The following SHISA9 variants were observed in gnomAD, a reference collection of about 807,000 sequenced individuals.
SHISA9 encodes the protein shisa family member 9.
SHISA9 carries 13 observed loss-of-function variants against 38.0 expected under a neutral mutation model. The ratio of observed to expected loss-of-function variants is 0.34; its 90% CI spans 0.22 to 0.54. SHISA9 has a LOEUF of 0.54. SHISA9 is among the 20% of genes least tolerant of loss of function. The probability of loss-of-function intolerance (pLI) is 0.91; values close to 1 mark genes in which losing one functional copy is unlikely to be tolerated. For synonymous variants in SHISA9, 275 were observed against 242.0 expected (o/e 1.14, Z -1.27); for missense variants, 538 against 575.8 (o/e 0.93, Z 0.67).
chr16:12,993,921 G>A (rs1214230366), intron 2 of SHISA9, among the ~76,000 whole-genome samples: 3 of 152,068 alleles, frequency 2.0e-5, no homozygotes, highest in African/African-American at 7.2e-5. Context: ...GAAAGAGGGA[G>A]GAGAGTTAGG....
chr16:13,159,765 G>A (rs2142011586), intron 2 of SHISA9, among the ~76,000 whole-genome samples: 1 of 152,336 alleles, frequency 6.6e-6, no homozygotes. Context: ...CTAAGGCCGA[G>A]GTTCAAGTCC....
At chr16:13,233,152 T>C (rs535676150) in intron 4 of SHISA9, among the ~76,000 whole-genome samples, 1 of 152,192 alleles carries the variant, frequency 6.6e-6, no homozygotes, top group African/African-American at 2.4e-5. Context: ...ATAAAACCCA[T>C]CTGATGAGAA....
At chr16:13,009,661 A>C (rs2072645886) in intron 2 of SHISA9, among the ~76,000 whole-genome samples, 1 of 152,156 alleles carries the variant, frequency 6.6e-6, no homozygotes, top group Admixed American at 6.6e-5. Context: ...ACACACACTA[A>C]AACTTAGGTT....
At chr16:13,004,770 C>CA (rs796387504) in intron 2 of SHISA9, among the ~76,000 whole-genome samples, 5,385 of 140,938 alleles carry the variant, frequency 0.038, 299 homozygotes, top group African/African-American at 0.13. Context: ...ACTAAAAATA[C>CA]AAAAAAAAAA....
chr16:12,976,115 T>C (rs900304811), intron 2 of SHISA9, among the ~76,000 whole-genome samples: 1 of 151,992 alleles, frequency 6.6e-6, no homozygotes. Flanking sequence ...TGAGACAGAG[T>C]CTTGCTTTGT....
the SHISA9 span, among the ~76,000 whole-genome samples, chr16:13,349,407 G>C: frequency 6.6e-6 from 1 of 152,188 alleles, no homozygotes; most frequent in Non-Finnish European, 1.5e-5. Context: ...CTAGAGATGC[G>C]TATGTGACTT....
intron 2 of SHISA9, among the ~76,000 whole-genome samples, chr16:13,092,420 G>T (rs1363902539): frequency 6.6e-6 from 1 of 152,212 alleles, no homozygotes; most frequent in African/African-American, 2.4e-5. Flanking sequence ...GCTATGCCCT[G>T]CCCACAGAGG....
At chr16:13,501,225 G>A in the SHISA9 span, among the ~76,000 whole-genome samples, 1 of 152,150 alleles carries the variant, frequency 6.6e-6, no homozygotes, top group Non-Finnish European at 1.5e-5. Flanking sequence ...GCATCTAGTG[G>A]GAAGAGGAAA....
the SHISA9 span, among the ~76,000 whole-genome samples, chr16:13,544,429 G>GTTTTTTTTTTTTT: frequency 9.8e-6 from 1 of 102,116 alleles, no homozygotes; most frequent in African/African-American, 4.0e-5. Flanking sequence ...TTTTTTTCTT[G>GTTTTTTTTTTTTT]TTTTTTTTTT....
intron 2 of SHISA9, among the ~76,000 whole-genome samples, chr16:12,989,359 G>T (rs1001171591): frequency 6.6e-6 from 1 of 151,956 alleles, no homozygotes; most frequent in Non-Finnish European, 1.5e-5. Flanking sequence ...TGTATTTTTA[G>T]TAGAGATGGG....
At chr16:13,386,451 A>G in the SHISA9 span, among the ~76,000 whole-genome samples, 1 of 152,214 alleles carries the variant, frequency 6.6e-6, no homozygotes. Flanking sequence ...TCCACCACTC[A>G]GTAGCCTTGA....
intron 1 of SHISA9, among the ~76,000 whole-genome samples, chr16:12,916,011 G>GGTTTTT (rs774277866): frequency 1.2e-4 from 11 of 90,438 alleles, no homozygotes; most frequent in South Asian, 4.6e-4. Context: ...GTGTGTGTGT[G>GGTTTTT]TTTTTTTTTT....
intron 2 of SHISA9, among the ~76,000 whole-genome samples, chr16:13,041,193 C>A (rs774793463): frequency 5.9e-5 from 9 of 152,188 alleles, no homozygotes; most frequent in Non-Finnish European, 1.2e-4. Flanking sequence ...CTTAATGGTC[C>A]ACAGAAGGAG....
At chr16:12,911,979 C>T (rs1025024483) in intron 1 of SHISA9, among the ~76,000 whole-genome samples, 2 of 152,250 alleles carry the variant, frequency 1.3e-5, no homozygotes, top group African/African-American at 4.8e-5. Context: ...TGTGCATCCC[C>T]TTTGGGGGCA....
At chr16:13,317,594 T>A in the SHISA9 span, among the ~76,000 whole-genome samples, 1 of 152,166 alleles carries the variant, frequency 6.6e-6, no homozygotes, top group African/African-American at 2.4e-5. Flanking sequence ...CTGCCTACCC[T>A]CTGGGTGACC....
chr16:13,192,658 G>A (rs892039625), intron 2 of SHISA9, among the ~76,000 whole-genome samples: 5 of 152,084 alleles, frequency 3.3e-5, no homozygotes, highest in Non-Finnish European at 7.4e-5. Context: ...GGTGGATCAC[G>A]AGGTCAGGAG....
chr16:13,373,937 G>A, the SHISA9 span, among the ~76,000 whole-genome samples: 1 of 152,160 alleles, frequency 6.6e-6, no homozygotes, highest in Non-Finnish European at 1.5e-5. Flanking sequence ...TGCTGAGATG[G>A]AGTTTGGGCA....
At chr16:13,250,884 T>C in the SHISA9 span, among the ~76,000 whole-genome samples, 1 of 152,150 alleles carries the variant, frequency 6.6e-6, no homozygotes, top group Admixed American at 6.5e-5. Context: ...ATGATTCAGA[T>C]GCTCTGTGGG....
At chr16:13,283,885 A>C in the SHISA9 span, among the ~76,000 whole-genome samples, 6 of 152,126 alleles carry the variant, frequency 3.9e-5, no homozygotes, top group Non-Finnish European at 7.4e-5. Context: ...CTAGTGTCTA[A>C]GTTCCATTTT....
Sources: allele counts gnomAD v4.1 joint callset (sites outside exome capture counted in the v4.1 genomes callset), GRCh38; gene constraint gnomAD v4.1.1; transcripts MANE v1.5; gene names NCBI Gene and HGNC (gene_info 2026-07-23, HGNC 2026-07-21).